SRSF2: variants seen among roughly 807,000 people sequenced by gnomAD.
SRSF2 encodes the protein serine/arginine-rich splicing factor 2.
SRSF2 carries 4 observed loss-of-function variants against 15.7 expected under a neutral mutation model. The observed-to-expected ratio is 0.26, with a 90% confidence interval of 0.13 to 0.58. The LOEUF (loss-of-function observed/expected upper bound fraction) is 0.58, where lower values mean the gene tolerates loss of function less well. Among genes scored for constraint, SRSF2 ranks in the 20% least tolerant of loss-of-function variants. The pLI is 0.90. For missense variants in SRSF2, 147 were observed against 332.4 expected (o/e 0.44, Z 4.34); for synonymous variants, 192 against 138.9 (o/e 1.38, Z -2.69).
intron 1 of SRSF2, 118 bp downstream of exon 1, chr17:76,736,681 C>A: frequency 8.1e-7 from 1 of 1,237,442 alleles, no homozygotes; most frequent in Non-Finnish European, 1.0e-6. Flanking sequence ...CGAGACGCGG[C>A]GTGCACCCCC....
In SRSF2 at chr17:76,736,406, G is replaced by C. The variant is rs1041856447; in HGVS notation, c.421C>G (p.Arg141Gly). ...GACTTCGAGCGGCTGTAGCGAGATC[G>C]GCTGCGAGACCTGGAACGACTCCGA... ...RSRSRSRSRSRSRYSRSKSRS... is the reference protein window; with the variant it reads ...RSRSRSRSRSGSRYSRSKSRS... The change falls in exon 2 of 3, where the codon CGA (arginine) becomes GGA (glycine). Residue 141 changes from arginine (R) to glycine (G), a missense_variant. Around this residue, in one of 2 missense-constraint regions of SRSF2, gnomAD observed 125 missense variants for 185.1 expected, o/e 0.68. Transcript: ENST00000359995. 9.9e-6 allele frequency: 16 copies of C among 1,613,926 alleles called. No individual in the cohort carries two copies. Among genetic ancestry groups the C allele is most frequent in the African/African-American group, 1.3e-5 (1 of 75,062 alleles).
In SRSF2 at chr17:76,736,247, G is replaced by A. The variant is rs770775763; in HGVS notation, c.580C>T (p.Pro194Ser). ...RSRSRSRSPP[P>S]VSKRESKSRS... ...GATTTGGATTCCCTCTTGGACACTG[G>A]GGGAGGACTCCTGGACCGAGACCGG... Residue 194 changes from proline to serine, a missense_variant, in exon 2 of 3, where the codon CCA becomes TCA. Physicochemically the swap from Pro to Ser is moderately conservative, Grantham distance 74 (BLOSUM62 -1). This residue lies in a region of SRSF2 where 125 missense variants were observed against 185.1 expected (regional missense o/e 0.68). Coordinates refer to ENST00000359995, the MANE Select transcript of SRSF2 (RefSeq NM_001195427.2). 6.8e-6 allele frequency: 11 copies of A among 1,614,066 alleles called. No individual in the cohort carries two copies. The South Asian group carries it at 1.1e-4, about 16-fold the overall frequency.
intron 2 of SRSF2, 149 bp from the exon 3 acceptor site, chr17:76,735,307 A>G (rs1274847918): frequency 4.6e-6 from 1 of 218,330 alleles, no homozygotes; most frequent in Non-Finnish European, 9.2e-6. Context: ...CCAATTAGGA[A>G]AATTTCACAA....
At chr17:76,736,691 C>G in intron 1 of SRSF2, 108 bp downstream of exon 1, 1 of 1,291,008 alleles carries the variant, frequency 7.7e-7, no homozygotes, top group South Asian at 2.0e-5. Flanking sequence ...CGTGCACCCC[C>G]GCCCCGTCCG....
rs1254448226 is a variant in SRSF2, at chr17:76,734,497, C to T, written c.*669G>A. ...CGGGAGAAAACAGGAAACAGCCAAG[C>T]ACTCTGCACTGCAACACGCCACCTT... On this transcript the variant is annotated 3_prime_UTR_variant, in exon 3 of 3. Coordinates refer to ENST00000359995, the MANE Select transcript of SRSF2 (RefSeq NM_001195427.2). 4.2e-6 allele frequency: 1 copy of T among 237,404 alleles called. No homozygotes were observed. Among genetic ancestry groups the T allele is most frequent in the Non-Finnish European group, 8.6e-6 (1 of 116,276 alleles). The allele number at this position is 237,404 out of a possible 1,614,324, so 14.7% of individuals were successfully genotyped here.
chr17:76,736,074 A>C, intron 2 of SRSF2, 80 bp downstream of exon 2: 2 of 1,389,714 alleles, frequency 1.4e-6, no homozygotes, highest in Non-Finnish European at 2.0e-6. Context: ...AGTCATTCTT[A>C]CATTAACACG....
In SRSF2 at chr17:76,736,812, G is replaced by A; in HGVS notation, c.349C>T (p.Arg117Cys). The A allele has an allele frequency of 1.3e-6, 2 of 1,581,996 alleles. No individual in the cohort carries two copies. The highest frequency in any genetic ancestry group is 1.7e-6 in the Non-Finnish European group (2 of 1,166,174). The change falls in exon 1 of 3, where the codon CGC (arginine) becomes TGC (cysteine). Residue 117 changes from arginine (R) to cysteine (C), a missense_variant. Coordinates refer to ENST00000359995, the MANE Select transcript of SRSF2 (RefSeq NM_001195427.2). ...AGCCCCGTTTACCTGCGGCTCCGGC[G>A]TCCGTAGCCACCGCCCCCGTACCTG... ...PRRYGGGGYG[R>C]RSRSPRRRRR...
chr17:76,735,246 T>C (rs1048508666), intron 2 of SRSF2, 88 bp from the exon 3 acceptor site: 1 of 218,830 alleles, frequency 4.6e-6, no homozygotes, highest in Non-Finnish European at 9.2e-6. Flanking sequence ...AAGGCTCTGG[T>C]CAAACCAGTA....
chr17:76,737,293 C>T lies in SRSF2; in HGVS notation c.-133G>A, dbSNP rs1349867707. Reference sequence around the variant, plus strand: ...GGAAAGGCCTTGCCGCAGAACAGCACGGACGGGCTCCGCAGGCTAGCGCAC... The same window carrying T: ...GGAAAGGCCTTGCCGCAGAACAGCATGGACGGGCTCCGCAGGCTAGCGCAC... On this transcript the variant is annotated 5_prime_UTR_variant, in exon 1 of 3. It adds an upstream start codon to the 5' untranslated region. Transcript: ENST00000359995. The T allele has an allele frequency of 2.4e-6, 3 of 1,269,926 alleles. No homozygotes were observed. The highest frequency in any genetic ancestry group is 1.5e-5 in the African/African-American group (1 of 66,160). 78.7% of individuals were successfully genotyped at this position (1,269,926 alleles called of 1,614,324 possible). A position where few individuals can be genotyped will look rare whatever the true frequency, so the allele number is the denominator to read the frequency against.
At position 76,736,854 on chromosome 17, in the gene SRSF2, G is replaced by T; in HGVS notation, c.307C>A (p.Arg103=). The T allele has an allele frequency of 6.2e-7, 1 of 1,607,222 alleles. No individual in the cohort carries two copies. Among genetic ancestry groups the T allele is most frequent in the Non-Finnish European group, 8.5e-7 (1 of 1,177,310 alleles). Residue 103 remains arginine, a synonymous_variant, in exon 1 of 3, where the codon CGG becomes AGG. Coordinates refer to ENST00000359995, the MANE Select transcript of SRSF2 (RefSeq NM_001195427.2). ...CCGTACCTGCGGGGTGGCGGTCCCC[G>T]GCGGCTGTGGTGTGAGTCCGGGGGG... ...GRPPDSHHSR[R]GPPPRRYGGG... is the part of the protein sequence containing the mutation.
Position 76,736,478 on chromosome 17 carries a change from G to C in SRSF2, c.363-14C>G, listed in dbSNP as rs545669570. On this transcript the variant is annotated splice_polypyrimidine_tract_variant and intron_variant, in intron 1 of 2. Coordinates refer to ENST00000359995, the MANE Select transcript of SRSF2 (RefSeq NM_001195427.2). ...CGCCGCCTAGGGCTGCGGGCGGGAC[G>C]AGCAAGCACAGCGGGGTTAATTCCA... 4.4e-6 allele frequency: 7 copies of C among 1,608,154 alleles called. No homozygotes were observed. The highest frequency in any genetic ancestry group is 2.7e-5 in the African/African-American group (2 of 75,056).
rs891848295 is a variant in SRSF2 at position 76,734,205 on chromosome 17, C to T, written c.*961G>A. 1 of 220,156 alleles carries T rather than the reference C, an allele frequency of 4.5e-6. No individual in the cohort carries two copies. The highest frequency in any genetic ancestry group is 5.8e-5 in the Admixed American group (1 of 17,304). The allele number at this position is 220,156 out of a possible 1,614,324, so 13.6% of individuals were successfully genotyped here. On this transcript the variant is annotated 3_prime_UTR_variant, in exon 3 of 3. Coordinates refer to ENST00000359995, the MANE Select transcript of SRSF2 (RefSeq NM_001195427.2). ...GAATATTCATAAGCAAAAAGATACA[C>T]CATGTTATAAGTACTTACAAAGTTA...
At position 76,737,266 on chromosome 17, in the gene SRSF2, T is replaced by A; in HGVS notation, c.-106A>T. 7.1e-7 allele frequency: 1 copy of A among 1,410,662 alleles called. No homozygotes were observed. The highest frequency in any genetic ancestry group is 9.4e-7 in the Non-Finnish European group (1 of 1,065,166). 87.4% of individuals were successfully genotyped at this position (1,410,662 alleles called of 1,614,324 possible). A position where few individuals can be genotyped will look rare whatever the true frequency, so the allele number is the denominator to read the frequency against. On this transcript the variant is annotated 5_prime_UTR_variant, in exon 1 of 3. Coordinates refer to ENST00000359995, the MANE Select transcript of SRSF2 (RefSeq NM_001195427.2). ...GCAGTTGCCTTCCGCGTGGGGACAC[T>A]GGGAAAGGCCTTGCCGCAGAACAGC...
Position 76,734,176 on chromosome 17 carries a change from T to C in SRSF2, c.*990A>G, listed in dbSNP as rs1282825476. 1 of 213,806 alleles carries C rather than the reference T, an allele frequency of 4.7e-6. No homozygotes were observed. Among genetic ancestry groups the C allele is most frequent in the African/African-American group, 2.3e-5 (1 of 44,256 alleles). The allele number at this position is 213,806 out of a possible 1,614,324, so 13.2% of individuals were successfully genotyped here. A position where few individuals can be genotyped will look rare whatever the true frequency, so the allele number is the denominator to read the frequency against. On this transcript the variant is annotated 3_prime_UTR_variant, in exon 3 of 3. Coordinates refer to ENST00000359995, the MANE Select transcript of SRSF2 (RefSeq NM_001195427.2). ...TAAACTACAGAAACAATGGTTATAATACAGAATATTCATAAGCAAAAAGAT... is the reference window on the plus strand; with the variant it reads ...TAAACTACAGAAACAATGGTTATAACACAGAATATTCATAAGCAAAAAGAT...
rs763609340 is a variant in SRSF2 at position 76,736,369 on chromosome 17, G to C, written c.458C>G (p.Thr153Ser). 1.2e-6 allele frequency: 2 copies of C among 1,614,182 alleles called. No homozygotes were observed. The highest frequency in any genetic ancestry group is 1.3e-5 in the African/African-American group (1 of 75,070). The change falls in exon 2 of 3, where the codon ACT becomes AGT. Residue 153 changes from threonine to serine, a missense_variant. Thr to Ser is a moderately conservative substitution (Grantham distance 58). Around this residue, in one of 2 missense-constraint regions of SRSF2, gnomAD observed 125 missense variants for 185.1 expected, o/e 0.68. Transcript: ENST00000359995. ...GGAGGTCGACCGAGATCGAGAACGA[G>C]TGCGGGACCGAGACTTCGAGCGGCT... is the stretch of plus-strand genomic sequence containing the variant. ...RYSRSKSRSR[T>S]RSRSRSTSKS...
chr17:76,734,975 A>G lies in SRSF2; in HGVS notation c.*191T>C, dbSNP rs2077391120. The G allele has an allele frequency of 4.4e-6, 1 of 225,838 alleles. No homozygotes were observed. The highest frequency in any genetic ancestry group is 9.0e-6 in the Non-Finnish European group (1 of 111,534). The allele number at this position is 225,838 out of a possible 1,614,324, so 14.0% of individuals were successfully genotyped here. A position where few individuals can be genotyped will look rare whatever the true frequency, so the allele number is the denominator to read the frequency against. Reference sequence around the variant, plus strand: ...CTAAATTACAAGAAATTTGAATAACAGCAACAAAATGGCACATAAAATGAA... The same window carrying G: ...CTAAATTACAAGAAATTTGAATAACGGCAACAAAATGGCACATAAAATGAA... On this transcript the variant is annotated 3_prime_UTR_variant, in exon 3 of 3. Transcript: ENST00000359995.
In SRSF2 at chr17:76,734,257, C is replaced by A; in HGVS notation, c.*909G>T. The A allele has an allele frequency of 4.4e-6, 1 of 224,826 alleles. No homozygotes were observed. The highest frequency in any genetic ancestry group is 8.9e-6 in the Non-Finnish European group (1 of 112,216). The allele number at this position is 224,826 out of a possible 1,614,324, so 13.9% of individuals were successfully genotyped here. A position where few individuals can be genotyped will look rare whatever the true frequency, so the allele number is the denominator to read the frequency against. On this transcript the variant is annotated 3_prime_UTR_variant, in exon 3 of 3. Transcript: ENST00000359995. ...AACCATTTGCTTCCTTAACATTTTC[C>A]ATGTTAAGTTCATACATGTAGATAT...
At chr17:76,736,512 GGCCGGCCCC>G in intron 1 of SRSF2, 48 bp from the exon 2 acceptor site, 1 of 1,573,538 alleles carries the variant, frequency 6.4e-7, no homozygotes, top group Non-Finnish European at 8.6e-7. Flanking sequence ...CAGGCAGCGG[GGCCGGCCCC>G]GCCCGCGCGC....
rs959902377 is a variant in SRSF2, at chr17:76,734,640, C to A, written c.*526G>T. On this transcript the variant is annotated 3_prime_UTR_variant, in exon 3 of 3. Coordinates refer to ENST00000359995, the MANE Select transcript of SRSF2 (RefSeq NM_001195427.2). ...ATCCTTTCAAAAAATCAAGTCTTTTCACCTGAAAAGTCTTTATACAAATTT... is the reference window on the plus strand; with the variant it reads ...ATCCTTTCAAAAAATCAAGTCTTTTAACCTGAAAAGTCTTTATACAAATTT... 8.7e-6 allele frequency: 2 copies of A among 229,340 alleles called. No homozygotes were observed. The highest frequency in any genetic ancestry group is 4.4e-5 in the African/African-American group (2 of 44,960). The allele number at this position is 229,340 out of a possible 1,614,324, so 14.2% of individuals were successfully genotyped here. A position where few individuals can be genotyped will look rare whatever the true frequency, so the allele number is the denominator to read the frequency against.
Sources: allele counts gnomAD v4.1 joint callset, GRCh38; gene constraint gnomAD v4.1.1; regional missense constraint gnomAD v4.1.1; transcripts MANE v1.5; gene names NCBI Gene and HGNC (gene_info 2026-07-23, HGNC 2026-07-21).